RIMS1: variants seen among roughly 807,000 people sequenced by gnomAD.
The protein encoded by RIMS1 is regulating synaptic membrane exocytosis protein 1.
In RIMS1, 83 loss-of-function variants were observed where a neutral mutation model predicts 214.1. That is an observed-to-expected ratio of 0.39 (90% CI 0.32 to 0.47). The LOEUF is 0.47. Ranked by LOEUF, RIMS1 falls within the 20% of genes least tolerant of loss-of-function variation. The probability of loss-of-function intolerance (pLI) is 0.99; values close to 1 mark genes in which losing one functional copy is unlikely to be tolerated. For synonymous variants in RIMS1, 793 were observed against 786.8 expected (o/e 1.01, Z -0.13); for missense variants, 2,050 against 2,161.8 (o/e 0.95, Z 1.03).
chr6:72,269,999 A>G (rs148628364), intron 22 of RIMS1, among the ~76,000 whole-genome samples: 36 of 152,242 alleles, frequency 2.4e-4, no homozygotes, highest in African/African-American at 6.7e-4. Context: ...ATTATTTACT[A>G]TCTTTTCTGG....
intron 30 of RIMS1, among the ~76,000 whole-genome samples, chr6:72,391,113 ACTGATTTC>A (rs1292444027): frequency 6.6e-6 from 1 of 152,172 alleles, no homozygotes; most frequent in African/African-American, 2.4e-5. Flanking sequence ...TAAGTAAGGA[ACTGATTTC>A]CCATTTTCTT....
intron 29 of RIMS1, among the ~76,000 whole-genome samples, chr6:72,353,906 G>T (rs1050460068): frequency 8.5e-5 from 13 of 152,084 alleles, no homozygotes; most frequent in Admixed American, 8.5e-4. Context: ...GTAACTGGGG[G>T]TTGGCAGAGC....
chr6:72,145,570 C>CCT (rs1291093248), intron 4 of RIMS1, among the ~76,000 whole-genome samples: 3 of 152,064 alleles, frequency 2.0e-5, no homozygotes, highest in African/African-American at 7.2e-5. Flanking sequence ...CCAGATCATG[C>CCT]CACTGCACCC....
chr6:72,166,124 G>T (rs1588399369), intron 4 of RIMS1, among the ~76,000 whole-genome samples: 1 of 152,134 alleles, frequency 6.6e-6, no homozygotes, highest in South Asian at 2.1e-4. Context: ...TTACTGGCTT[G>T]TAGTTGGCTA....
intron 4 of RIMS1, among the ~76,000 whole-genome samples, chr6:72,134,932 A>G (rs966703068): frequency 6.6e-6 from 1 of 152,122 alleles, no homozygotes; most frequent in Non-Finnish European, 1.5e-5. Context: ...TGATTATTCA[A>G]CCTGGAGAGA....
intron 16 of RIMS1, among the ~76,000 whole-genome samples, chr6:72,253,136 G>T (rs966427012): frequency 2.6e-5 from 4 of 152,012 alleles, no homozygotes; most frequent in Admixed American, 1.3e-4. Context: ...AAAAGATGGG[G>T]TTATTAAATA....
intron 29 of RIMS1, among the ~76,000 whole-genome samples, chr6:72,337,520 ACTCCTT>A (rs1274908484): frequency 2.0e-5 from 3 of 149,918 alleles, no homozygotes. Context: ...ATACAATTTC[ACTCCTT>A]CATTGGTCAC....
intron 6 of RIMS1, among the ~76,000 whole-genome samples, chr6:72,190,854 G>A (rs1432428700): frequency 1.3e-5 from 2 of 152,180 alleles, no homozygotes; most frequent in African/African-American, 4.8e-5. Flanking sequence ...AGGTTGCGTG[G>A]TGACTTGACC....
At chr6:71,942,941 GT>G (rs1037655673) in intron 1 of RIMS1, among the ~76,000 whole-genome samples, 28 of 152,054 alleles carry the variant, frequency 1.8e-4, no homozygotes, top group Admixed American at 4.6e-4. Flanking sequence ...TTAACGACTT[GT>G]GCTTTAAAAA....
chr6:71,963,242 A>G (rs897987821), intron 1 of RIMS1, among the ~76,000 whole-genome samples: 9 of 152,156 alleles, frequency 5.9e-5, no homozygotes, highest in African/African-American at 2.2e-4. Context: ...ATACCAAACC[A>G]ACCTTGATTA....
chr6:72,037,042 A>G (rs1160589405), intron 2 of RIMS1, among the ~76,000 whole-genome samples: 1 of 152,160 alleles, frequency 6.6e-6, no homozygotes, highest in East Asian at 1.9e-4. Context: ...TCCAGCTATC[A>G]GGCCCAGAAC....
At chr6:71,922,614 C>T (rs1392092444) in intron 1 of RIMS1, among the ~76,000 whole-genome samples, 1 of 152,086 alleles carries the variant, frequency 6.6e-6, no homozygotes, top group African/African-American at 2.4e-5. Flanking sequence ...AGTTTCATTC[C>T]TTTTTATGGC....
intron 6 of RIMS1, among the ~76,000 whole-genome samples, chr6:72,208,378 C>G (rs1454031664): frequency 1.3e-5 from 2 of 152,112 alleles, no homozygotes; most frequent in African/African-American, 2.4e-5. Context: ...ATACCTTTCC[C>G]ATCCAGTTTT....
chr6:72,016,416 G>A (rs941408367), intron 2 of RIMS1, among the ~76,000 whole-genome samples: 4 of 152,028 alleles, frequency 2.6e-5, no homozygotes, highest in African/African-American at 7.2e-5. Flanking sequence ...TACCTTCTGG[G>A]ATTTTAGTAT....
At chr6:72,099,090 G>C (rs2032841278) in intron 3 of RIMS1, among the ~76,000 whole-genome samples, 1 of 152,230 alleles carries the variant, frequency 6.6e-6, no homozygotes, top group South Asian at 2.1e-4. Context: ...ATGAGGCGCA[G>C]ATCAGCTGAG....
chr6:71,924,808 A>C (rs1363142304), intron 1 of RIMS1, among the ~76,000 whole-genome samples: 1 of 39,968 alleles, frequency 2.5e-5, no homozygotes, highest in Non-Finnish European at 5.6e-5. Flanking sequence ...CCCTGTCTCC[A>C]AAAAAAAAAA....
intron 1 of RIMS1, among the ~76,000 whole-genome samples, chr6:71,937,758 AT>A (rs1249023429): frequency 1.3e-5 from 2 of 152,214 alleles, no homozygotes; most frequent in African/African-American, 4.8e-5. Flanking sequence ...ACCTCTTAAT[AT>A]TGTTTCAATG....
intron 1 of RIMS1, among the ~76,000 whole-genome samples, chr6:71,907,857 A>G (rs1185085666): frequency 6.6e-6 from 1 of 152,188 alleles, no homozygotes; most frequent in Non-Finnish European, 1.5e-5. Context: ...CATTTATGAA[A>G]ATTTTCTAAA....
intron 4 of RIMS1, among the ~76,000 whole-genome samples, chr6:72,161,000 A>G (rs2045317035): frequency 7.2e-6 from 1 of 138,162 alleles, no homozygotes; most frequent in East Asian, 2.0e-4. Context: ...TTGGCTGTGA[A>G]TCCATCTGGT....
Sources: gnomAD v4.1 joint callset for allele counts (sites outside exome capture counted in the v4.1 genomes callset) on GRCh38, gnomAD v4.1.1 for gene constraint, MANE v1.5 for transcripts, NCBI Gene and HGNC (gene_info 2026-07-23, HGNC 2026-07-21) for gene names.